The following DNAJC18 variants were observed in gnomAD, a reference collection of about 807,000 sequenced individuals.
DNAJC18 encodes dnaJ homolog subfamily C member 18.
DNAJC18 carries 40 observed loss-of-function variants against 48.6 expected under a neutral mutation model. The ratio of observed to expected loss-of-function variants is 0.82; its 90% CI spans 0.64 to 1.07. The LOEUF is 1.07. Ranked by LOEUF, DNAJC18 falls within the 50% of genes least tolerant of loss-of-function variation. The probability of loss-of-function intolerance (pLI) is 0.00; values close to 1 mark genes in which losing one functional copy is unlikely to be tolerated. For missense variants in DNAJC18, 340 were observed against 427.7 expected (o/e 0.79, Z 1.81); for synonymous variants, 135 against 152.2 (o/e 0.89, Z 0.83).
intron 2 of DNAJC18, among the ~76,000 whole-genome samples, chr5:139,434,564 C>T (rs1009856950): frequency 1.3e-5 from 2 of 152,152 alleles, no homozygotes; most frequent in Admixed American, 6.5e-5. Context: ...TTCAAGAGAT[C>T]CTCCTATCTC....
At chr5:139,420,443 T>G in intron 6 of DNAJC18, 5 of 505,636 alleles carry the variant, frequency 9.9e-6, no homozygotes, top group Non-Finnish European at 1.7e-5. Flanking sequence ...GAATTCAGCT[T>G]CAGCATAGTT....
At chr5:139,438,315 C>CAAA (rs35642628) in intron 1 of DNAJC18, among the ~76,000 whole-genome samples, 3 of 131,042 alleles carry the variant, frequency 2.3e-5, no homozygotes, top group Non-Finnish European at 4.7e-5. Flanking sequence ...GACTCCGTCT[C>CAAA]AAAAAAAAAA....
In DNAJC18 at chr5:139,410,696, T is replaced by C. The variant is rs963432437; in HGVS notation, c.*3452A>G. The C allele has an allele frequency of 2.6e-5, 4 of 152,076 alleles. No individual in the cohort carries two copies. Among genetic ancestry groups the C allele is most frequent in the Admixed American group, 1.3e-4 (2 of 15,264 alleles). 9.4% of individuals were successfully genotyped at this position (152,076 alleles called of 1,614,324 possible). The stretch of plus-strand genomic sequence containing the variant: ...TCCTGGGTATCATGAGGAAAAAGAA[T>C]GACACATAGCTTGGCCAGGCTGCTG... On this transcript the variant is annotated 3_prime_UTR_variant, in exon 8 of 8. Transcript: ENST00000302060.
intron 2 of DNAJC18, among the ~76,000 whole-genome samples, chr5:139,436,223 C>A (rs965592571): frequency 7.2e-5 from 11 of 151,846 alleles, no homozygotes; most frequent in African/African-American, 2.7e-4. Flanking sequence ...GTAGCTGGGA[C>A]CACAGGCATG....
chr5:139,428,762 C>T, intron 2 of DNAJC18, 79 bp from the exon 3 acceptor site: 1 of 1,494,122 alleles, frequency 6.7e-7, no homozygotes, highest in Non-Finnish European at 8.9e-7. Context: ...TCGATCCTAC[C>T]TCCAATCTGT....
Position 139,414,170 on chromosome 5 carries a change from A to G in DNAJC18, c.1055T>C (p.Ile352Thr). The change falls in exon 8 of 8, where the codon ATT (isoleucine) becomes ACT (threonine). Residue 352 changes from isoleucine (I) to threonine (T), a missense_variant. Physicochemically the swap from Ile to Thr is moderately conservative, Grantham distance 89. Coordinates refer to ENST00000302060, the MANE Select transcript of DNAJC18 (RefSeq NM_152686.4). ...CTCTCAGCCACCTCTGCGTAGGCCAATGAGTTTGGAAAGTTTCTCACAGTT... is the reference window on the plus strand; with the variant it reads ...CTCTCAGCCACCTCTGCGTAGGCCAGTGAGTTTGGAAAGTTTCTCACAGTT... ...LENCEKLSKL[I>T]GLRRGG 6.2e-7 allele frequency: 1 copy of G among 1,613,272 alleles called. No homozygotes were observed. Among genetic ancestry groups the G allele is most frequent in the Non-Finnish European group, 8.5e-7 (1 of 1,179,490 alleles).
chr5:139,437,228 T>G (rs937648299), intron 2 of DNAJC18, 144 bp downstream of exon 2: 2 of 1,036,636 alleles, frequency 1.9e-6, no homozygotes, highest in African/African-American at 3.3e-5. Context: ...TTCTATTCAG[T>G]CTTCCCTCTG....
At chr5:139,418,561 T>C (rs969016860) in intron 7 of DNAJC18, among the ~76,000 whole-genome samples, 7 of 152,236 alleles carry the variant, frequency 4.6e-5, no homozygotes, top group African/African-American at 1.4e-4. Context: ...TCAGTGTTTT[T>C]CAATAAATTG....
intron 5 of DNAJC18, 62 bp downstream of exon 5, chr5:139,424,943 A>G (rs1343553410): frequency 1.5e-6 from 2 of 1,356,078 alleles, no homozygotes; most frequent in Non-Finnish European, 2.1e-6. Context: ...TTGACCATGT[A>G]CCATCAAGGT....
chr5:139,410,536 G>A lies in DNAJC18; in HGVS notation c.*3612C>T, dbSNP rs983466759. 6.6e-5 allele frequency: 10 copies of A among 151,976 alleles called. No homozygotes were observed. The highest frequency in any genetic ancestry group is 1.2e-4 in the Non-Finnish European group (8 of 68,024). The allele number at this position is 151,976 out of a possible 1,614,324, so 9.4% of individuals were successfully genotyped here. A position where few individuals can be genotyped will look rare whatever the true frequency, so the allele number is the denominator to read the frequency against. On this transcript the variant is annotated 3_prime_UTR_variant, in exon 8 of 8. Coordinates refer to ENST00000302060, the MANE Select transcript of DNAJC18 (RefSeq NM_152686.4). Reference sequence around the variant, plus strand: ...AGGACACTAAGCTTATACCTTAAATGAGGGCAGAATAAATATGAATGAAGT... The same window carrying A: ...AGGACACTAAGCTTATACCTTAAATAAGGGCAGAATAAATATGAATGAAGT...
At chr5:139,433,019 C>G (rs1434986696) in intron 2 of DNAJC18, among the ~76,000 whole-genome samples, 4 of 152,196 alleles carry the variant, frequency 2.6e-5, no homozygotes. Context: ...AGGGTTCACA[C>G]CTGTAATCCC....
At position 139,436,522 on chromosome 5, in the gene DNAJC18, T is replaced by C. The variant is rs1456979700; in HGVS notation, c.227+850A>G. On this transcript the variant is annotated intron_variant, in intron 2 of 7. Coordinates refer to ENST00000302060, the MANE Select transcript of DNAJC18 (RefSeq NM_152686.4). The stretch of plus-strand genomic sequence containing the variant: ...GTAGGGATATCCCTCTTTCTTTTTT[T>C]TTTTTTTTTTTTTTTTTGAGAGACA... Among the ~76,000 whole-genome samples, 5 of 141,848 alleles carry C rather than the reference T, an allele frequency of 3.5e-5. 1 individual carries two copies. Among genetic ancestry groups the C allele is most frequent in the Middle Eastern group, 6.9e-3 (2 of 290 alleles). 93.1% of individuals were successfully genotyped at this position (141,848 alleles called of 152,430 possible). A position where few individuals can be genotyped will look rare whatever the true frequency, so the allele number is the denominator to read the frequency against.
intron 4 of DNAJC18, among the ~76,000 whole-genome samples, chr5:139,425,473 C>T (rs1429036143): frequency 6.6e-6 from 1 of 152,174 alleles, no homozygotes; most frequent in African/African-American, 2.4e-5. Context: ...CCTTCCTTGC[C>T]TTTTTCAAGG....
chr5:139,425,972 G>A (rs565910421), intron 4 of DNAJC18, among the ~76,000 whole-genome samples, 200 bp downstream of exon 4: 87 of 152,246 alleles, frequency 5.7e-4, no homozygotes, highest in African/African-American at 2.0e-3. Flanking sequence ...GAGGAAACAG[G>A]GTCAGAGAGA....
intron 2 of DNAJC18, among the ~76,000 whole-genome samples, chr5:139,434,704 T>A (rs1000235682): frequency 2.6e-4 from 39 of 152,204 alleles, no homozygotes; most frequent in African/African-American, 9.2e-4. Context: ...ATTGATCTTA[T>A]ATCCTGTAAC....
chr5:139,432,112 T>A (rs1561469411), intron 2 of DNAJC18, among the ~76,000 whole-genome samples: 1 of 152,148 alleles, frequency 6.6e-6, no homozygotes, highest in Non-Finnish European at 1.5e-5. Context: ...AAGTCCCTTA[T>A]CAGATATACA....
rs1056724574 is a variant in DNAJC18, at chr5:139,435,716, T to G, written c.227+1656A>C. ...TTTCTTCATTGGAAGTTTTTTTTTT[T>G]TTTTTTTTTTTTTTTTCAGACAAGG... On this transcript the variant is annotated intron_variant, in intron 2 of 7. Transcript: ENST00000302060. Among the ~76,000 whole-genome samples, 4 of 117,214 alleles carry G rather than the reference T, an allele frequency of 3.4e-5. No individual in the cohort carries two copies. In the South Asian group the frequency reaches 9.9e-4, roughly 29 times the overall value. 76.9% of individuals were successfully genotyped at this position (117,214 alleles called of 152,430 possible). A position where few individuals can be genotyped will look rare whatever the true frequency, so the allele number is the denominator to read the frequency against.
intron 7 of DNAJC18, among the ~76,000 whole-genome samples, chr5:139,417,739 A>G (rs1262838712): frequency 6.6e-6 from 1 of 151,904 alleles, no homozygotes; most frequent in African/African-American, 2.4e-5. Flanking sequence ...ACACCCAGCT[A>G]ATTTTTGTAT....
chr5:139,431,637 G>A (rs1287013434), intron 2 of DNAJC18, among the ~76,000 whole-genome samples: 6 of 152,290 alleles, frequency 3.9e-5, no homozygotes, highest in South Asian at 2.1e-4. Flanking sequence ...CTTTGGGGTC[G>A]TTATGAATAA....
Sources: gnomAD v4.1 joint callset for allele counts (sites outside exome capture counted in the v4.1 genomes callset) on GRCh38, gnomAD v4.1.1 for gene constraint, MANE v1.5 for transcripts, NCBI Gene and HGNC (gene_info 2026-07-23, HGNC 2026-07-21) for gene names.